Variants in SNTG1 observed in about 807,000 individuals in gnomAD.
The protein encoded by SNTG1 is syntrophin gamma 1.
Under a neutral mutation model 74.7 loss-of-function variants are expected in SNTG1, and 39 were observed. The observed-to-expected ratio is 0.52, with a 90% CI of 0.40 to 0.68. SNTG1 has a LOEUF of 0.68. Ranked by LOEUF, SNTG1 falls within the 30% of genes least tolerant of loss-of-function variation. The pLI, the probability that SNTG1 is intolerant of heterozygous loss-of-function variation, is 0.00. For synonymous variants in SNTG1, 254 were observed against 217.1 expected (o/e 1.17, Z -1.49); for missense variants, 685 against 609.5 (o/e 1.12, Z -1.30).
At chr8:50,010,944 A>T (rs13255224) in intron 1 of SNTG1, among the ~76,000 whole-genome samples, 2 of 151,794 alleles carry the variant, frequency 1.3e-5, no homozygotes, top group Non-Finnish European at 2.9e-5. Context: ...CATTCATTTT[A>T]ATGGTAGTGA....
At chr8:50,578,729 C>A (rs761053925) in intron 12 of SNTG1, among the ~76,000 whole-genome samples, 1 of 152,084 alleles carries the variant, frequency 6.6e-6, no homozygotes, top group Admixed American at 6.6e-5. Flanking sequence ...TCCTTGCTGC[C>A]GCCACGTAAA....
intron 18 of SNTG1, 42 bp from the exon 19 acceptor site, chr8:50,792,629 T>C: frequency 6.5e-7 from 1 of 1,548,640 alleles, no homozygotes; most frequent in Non-Finnish European, 8.7e-7. Flanking sequence ...TTTAAAGACA[T>C]TAATTTTTAT....
intron 1 of SNTG1, among the ~76,000 whole-genome samples, chr8:50,079,923 T>A (rs182743683): frequency 8.0e-4 from 122 of 152,264 alleles, no homozygotes; most frequent in African/African-American, 2.8e-3. Flanking sequence ...GTTTTGGTAT[T>A]AGTACTATGC....
At chr8:50,239,255 G>T (rs924851297) in intron 2 of SNTG1, among the ~76,000 whole-genome samples, 1 of 152,160 alleles carries the variant, frequency 6.6e-6, no homozygotes, top group Admixed American at 6.6e-5. Flanking sequence ...CCCATCAGTG[G>T]AAGACTGGAT....
At chr8:50,207,253 T>C (rs559586713) in intron 2 of SNTG1, among the ~76,000 whole-genome samples, 11 of 152,198 alleles carry the variant, frequency 7.2e-5, no homozygotes, top group Admixed American at 1.3e-4. Context: ...AGCCTGTTAT[T>C]GGTCTATTCA....
chr8:50,314,548 A>C (rs1465852607), intron 2 of SNTG1, among the ~76,000 whole-genome samples: 1 of 149,666 alleles, frequency 6.7e-6, no homozygotes, highest in Non-Finnish European at 1.5e-5. Context: ...AGGCACACCA[A>C]CCAGTCATCC....
intron 1 of SNTG1, among the ~76,000 whole-genome samples, chr8:49,990,190 TCAC>T (rs1341277194): frequency 1.3e-5 from 2 of 151,962 alleles, no homozygotes; most frequent in Non-Finnish European, 2.9e-5. Flanking sequence ...AATCATAAAT[TCAC>T]CAACATTTAT....
At chr8:50,742,888 T>C (rs2095546693) in intron 17 of SNTG1, among the ~76,000 whole-genome samples, 1 of 151,852 alleles carries the variant, frequency 6.6e-6, no homozygotes, top group Non-Finnish European at 1.5e-5. Context: ...GAGACAATTT[T>C]ATGAGCAATT....
intron 2 of SNTG1, among the ~76,000 whole-genome samples, chr8:50,364,134 A>C (rs1173383968): frequency 6.6e-6 from 1 of 152,144 alleles, no homozygotes; most frequent in Admixed American, 6.5e-5. Context: ...TGATTAATTC[A>C]GTCTCCAGTC....
chr8:50,785,320 A>T (rs1016397885), intron 18 of SNTG1, among the ~76,000 whole-genome samples: 1 of 151,970 alleles, frequency 6.6e-6, no homozygotes, highest in Non-Finnish European at 1.5e-5. Flanking sequence ...GAGAGAGAGA[A>T]TATTCAAATT....
chr8:50,419,328 A>C (rs1040434293), intron 4 of SNTG1, among the ~76,000 whole-genome samples: 1 of 152,322 alleles, frequency 6.6e-6, no homozygotes, highest in Middle Eastern at 3.4e-3. Flanking sequence ...CAAGTGGAAA[A>C]CTTAGACTTA....
chr8:50,074,313 T>A (rs186942219), intron 1 of SNTG1, among the ~76,000 whole-genome samples: 1 of 152,208 alleles, frequency 6.6e-6, no homozygotes, highest in African/African-American at 2.4e-5. Flanking sequence ...TCAGCCTTCA[T>A]AGAATTGAGA....
chr8:50,383,891 A>G (rs968562574), intron 2 of SNTG1, among the ~76,000 whole-genome samples: 2 of 152,188 alleles, frequency 1.3e-5, no homozygotes, highest in African/African-American at 4.8e-5. Context: ...TTCAGAGGCA[A>G]TGGAGTCCAA....
chr8:50,199,271 G>A (rs1359130598), intron 2 of SNTG1, among the ~76,000 whole-genome samples: 1 of 147,560 alleles, frequency 6.8e-6, no homozygotes, highest in African/African-American at 2.5e-5. Flanking sequence ...AGGCTACAGT[G>A]CAATGGTTCA....
chr8:50,590,599 T>C (rs1052754522), intron 12 of SNTG1, among the ~76,000 whole-genome samples: 61 of 152,270 alleles, frequency 4.0e-4, no homozygotes, highest in African/African-American at 1.3e-3. Flanking sequence ...AATCATTTAG[T>C]ATTGTTTGAA....
chr8:50,727,564 G>T (rs570195472), intron 17 of SNTG1, among the ~76,000 whole-genome samples: 5 of 152,248 alleles, frequency 3.3e-5, no homozygotes, highest in African/African-American at 9.6e-5. Flanking sequence ...ACTGGCCCTG[G>T]ATTCTCACTG....
chr8:50,163,360 G>A (rs1274776654), intron 1 of SNTG1: 3 of 150,476 alleles, frequency 2.0e-5, no homozygotes, highest in East Asian at 1.9e-4. Context: ...TGTTGCTTCC[G>A]AGTATTCCAA....
intron 2 of SNTG1, among the ~76,000 whole-genome samples, chr8:50,294,929 C>A (rs1040546326): frequency 6.6e-6 from 1 of 152,082 alleles, no homozygotes; most frequent in African/African-American, 2.4e-5. Flanking sequence ...AGCCGGACAA[C>A]GAGCACTAAA....
chr8:50,521,804 C>T (rs552030043), intron 9 of SNTG1, among the ~76,000 whole-genome samples: 3 of 152,220 alleles, frequency 2.0e-5, no homozygotes, highest in Non-Finnish European at 2.9e-5. Context: ...CAAGAAAACA[C>T]TCATGAGATT....
Sources: allele counts gnomAD v4.1 joint callset (sites outside exome capture counted in the v4.1 genomes callset), GRCh38; gene constraint gnomAD v4.1.1; transcripts MANE v1.5; gene names NCBI Gene and HGNC (gene_info 2026-07-23, HGNC 2026-07-21).